The following OPALIN variants were observed in gnomAD, a reference collection of about 807,000 sequenced individuals.
The protein encoded by OPALIN is transmembrane protein 10.
A neutral mutation model predicts 17.8 loss-of-function variants in OPALIN; 15 were observed. That is an observed-to-expected ratio of 0.84 (90% confidence interval 0.56 to 1.29). The LOEUF (loss-of-function observed/expected upper bound fraction) is 1.29. Ranked by LOEUF, OPALIN falls within the 50% of genes most tolerant of loss-of-function variation. The pLI is 0.00. For synonymous variants in OPALIN, 62 were observed against 63.8 expected (o/e 0.97, Z 0.14); for missense variants, 170 against 176.0 (o/e 0.97, Z 0.19).
At chr10:96,348,930 C>G (rs958966427) in intron 4 of OPALIN, among the ~76,000 whole-genome samples, 1 of 152,212 alleles carries the variant, frequency 6.6e-6, no homozygotes, top group Non-Finnish European at 1.5e-5. Context: ...TTCCCTACCT[C>G]TTAAAATAGG....
intron 2 of OPALIN, among the ~76,000 whole-genome samples, 159 bp downstream of exon 2, chr10:96,355,096 C>CAAAAAAAAAA (rs56995726): frequency 2.2e-5 from 1 of 45,174 alleles, no homozygotes; most frequent in African/African-American, 9.3e-5. Context: ...GACCTTGTCT[C>CAAAAAAAAAA]AAAAAAAAAA....
chr10:96,357,747 A>C (rs1845875962), intron 1 of OPALIN, among the ~76,000 whole-genome samples: 2 of 152,206 alleles, frequency 1.3e-5, no homozygotes, highest in Admixed American at 1.3e-4. Context: ...TGGCCTGGCC[A>C]GCACAGAGCT....
At chr10:96,353,059 G>A (rs1004788746) in intron 2 of OPALIN, among the ~76,000 whole-genome samples, 2 of 152,316 alleles carry the variant, frequency 1.3e-5, no homozygotes, top group East Asian at 1.9e-4. Context: ...TCATTTTACA[G>A]ATGAGAGGAG....
At chr10:96,350,574 T>A (rs929736109) in intron 3 of OPALIN, among the ~76,000 whole-genome samples, 1 of 152,186 alleles carries the variant, frequency 6.6e-6, no homozygotes, top group Non-Finnish European at 1.5e-5. Context: ...AAATGACGAG[T>A]TAATGGGTGC....
At chr10:96,353,631 C>T (rs1845680948) in intron 2 of OPALIN, 1 of 153,332 alleles carries the variant, frequency 6.5e-6, no homozygotes, top group African/African-American at 2.4e-5. Context: ...GGGCTCTCTT[C>T]CACCCCATTC....
In OPALIN at chr10:96,346,120, T is replaced by A; in HGVS notation, c.250-3A>T. ...TGTGTGGGTGATCTCCTAGGATTCT[T>A]AAGGAAACAAATAGGTTTTTTAAAA... On this transcript the variant is annotated splice_region_variant and splice_polypyrimidine_tract_variant and intron_variant, in intron 5 of 5. Coordinates refer to ENST00000371172, the MANE Select transcript of OPALIN (RefSeq NM_033207.5). 6.2e-7 allele frequency: 1 copy of A among 1,612,742 alleles called. No individual in the cohort carries two copies. The highest frequency in any genetic ancestry group is 8.5e-7 in the Non-Finnish European group (1 of 1,179,292).
At chr10:96,351,494 G>A in intron 2 of OPALIN, 84 bp from the exon 3 acceptor site, 2 of 781,428 alleles carry the variant, frequency 2.6e-6, no homozygotes, top group Non-Finnish European at 3.9e-6. Flanking sequence ...CAAAGTTTAG[G>A]CTATAAAGCC....
At chr10:96,346,231 A>C in intron 5 of OPALIN, 114 bp from the exon 6 acceptor site, 1 of 841,524 alleles carries the variant, frequency 1.2e-6, no homozygotes, top group Non-Finnish European at 1.9e-6. Context: ...ATCAGACACA[A>C]CATTTGAAGC....
intron 1 of OPALIN, among the ~76,000 whole-genome samples, chr10:96,355,646 T>C (rs779170222): frequency 6.6e-6 from 1 of 152,232 alleles, no homozygotes; most frequent in Non-Finnish European, 1.5e-5. Flanking sequence ...TTATTCCCTC[T>C]AGAACTCCTT....
chr10:96,343,548 C>T lies in OPALIN; in HGVS notation c.*2393G>A, dbSNP rs764133305. The stretch of plus-strand genomic sequence containing the variant: ...AGGCTCTGGATGATCAACAATCGGC[C>T]CAAGGGCTGACACCTATAAGTATCA... On this transcript the variant is annotated 3_prime_UTR_variant, in exon 6 of 6. Coordinates refer to ENST00000371172, the MANE Select transcript of OPALIN (RefSeq NM_033207.5). 1 of 152,150 alleles carries T rather than the reference C, an allele frequency of 6.6e-6. No homozygotes were observed. The highest frequency in any genetic ancestry group is 1.5e-5 in the Non-Finnish European group (1 of 68,022). The allele number at this position is 152,150 out of a possible 1,614,324, so 9.4% of individuals were successfully genotyped here. A position where few individuals can be genotyped will look rare whatever the true frequency, so the allele number is the denominator to read the frequency against.
intron 1 of OPALIN, chr10:96,356,804 T>TC: frequency 1.2e-6 from 1 of 813,266 alleles, no homozygotes; most frequent in Non-Finnish European, 1.5e-6. Context: ...TGCTCACTTC[T>TC]CCCCCTCTTG....
At position 96,358,891 on chromosome 10, in the gene OPALIN, C is replaced by T. The variant is rs752878882; in HGVS notation, c.3+3G>A. 1.9e-6 allele frequency: 3 copies of T among 1,613,988 alleles called. No homozygotes were observed. Among genetic ancestry groups the T allele is most frequent in the Non-Finnish European group, 2.5e-6 (3 of 1,179,954 alleles). The stretch of plus-strand genomic sequence containing the variant: ...TTGAGAAGAGATGCCAGCTTTCACT[C>T]ACCATTTCTGACAGTCTCCCAGGAA... On this transcript the variant is annotated splice_donor_region_variant and intron_variant, in intron 1 of 5. Coordinates refer to ENST00000371172, the MANE Select transcript of OPALIN (RefSeq NM_033207.5).
At chr10:96,348,647 G>A (rs1455254407) in intron 4 of OPALIN, among the ~76,000 whole-genome samples, 1 of 152,164 alleles carries the variant, frequency 6.6e-6, no homozygotes, top group African/African-American at 2.4e-5. Context: ...TTTAGTATAT[G>A]TTTGAAATTA....
intron 2 of OPALIN, 33 bp downstream of exon 2, chr10:96,355,222 C>T (rs764221108): frequency 2.2e-5 from 35 of 1,585,878 alleles, no homozygotes; most frequent in Non-Finnish European, 2.8e-5. Flanking sequence ...GTCTTCTCTG[C>T]GTTGCCTGGT....
In OPALIN at chr10:96,352,909, T is replaced by C. The variant is rs1010681091; in HGVS notation, c.40-1499A>G. ...CTCTTTCTCTCCAGATGGACTTTTC[T>C]GCCCTCATAAACTCCTGCTAATTGT... On this transcript the variant is annotated intron_variant, in intron 2 of 5. Coordinates refer to ENST00000371172, the MANE Select transcript of OPALIN (RefSeq NM_033207.5). Among the ~76,000 whole-genome samples the C allele has an allele frequency of 3.3e-5, 5 of 152,364 alleles. No individual in the cohort carries two copies. The South Asian group carries it at 1.0e-3, about 32-fold the overall frequency.
At chr10:96,355,181 G>A in intron 2 of OPALIN, 74 bp downstream of exon 2, 1 of 1,128,404 alleles carries the variant, frequency 8.9e-7, no homozygotes, top group Non-Finnish European at 1.3e-6. Context: ...GTTTATGTGA[G>A]TTCTGGAGAC....
chr10:96,347,727 C>G (rs945700719), intron 5 of OPALIN, among the ~76,000 whole-genome samples: 1 of 152,168 alleles, frequency 6.6e-6, no homozygotes, highest in Non-Finnish European at 1.5e-5. Flanking sequence ...CCCGCCTCAG[C>G]CTCCCAAAAT....
chr10:96,355,365 G>T, intron 1 of OPALIN, 75 bp from the exon 2 acceptor site: 1 of 1,355,936 alleles, frequency 7.4e-7, no homozygotes, highest in Non-Finnish European at 1.1e-6. Context: ...CAAACTCACT[G>T]ACCCTGGTGG....
intron 1 of OPALIN, chr10:96,357,071 G>A: frequency 2.0e-6 from 2 of 985,416 alleles, no homozygotes; most frequent in African/African-American, 1.7e-5. Flanking sequence ...CTTAGGTCAG[G>A]GTCCTCTTGC....
Sources: gnomAD v4.1 joint callset for allele counts (sites outside exome capture counted in the v4.1 genomes callset) on GRCh38, gnomAD v4.1.1 for gene constraint, MANE v1.5 for transcripts, NCBI Gene and HGNC (gene_info 2026-07-23, HGNC 2026-07-21) for gene names.